The following KPNA1 variants were observed in gnomAD, a reference collection of about 807,000 sequenced individuals.
KPNA1 encodes the protein karyopherin subunit alpha 1, also known as importin subunit alpha-5.
A neutral mutation model predicts 70.5 loss-of-function variants in KPNA1; 10 were observed. That is an observed-to-expected ratio of 0.14 (90% CI 0.09 to 0.24). KPNA1 has a LOEUF of 0.24. Among genes scored for constraint, KPNA1 ranks in the 10% least tolerant of loss-of-function variants. KPNA1 has a pLI of 1.00. For missense variants in KPNA1, 397 were observed against 637.9 expected, an observed-to-expected ratio of 0.62 and a Z score of 4.07; for synonymous variants, 192 against 221.9, an observed-to-expected ratio of 0.87 and a Z score of 1.20.
At chr3:122,447,413 G>A (rs535321175) in intron 9 of KPNA1, among the ~76,000 whole-genome samples, 201 of 152,244 alleles carry the variant, frequency 1.3e-3, no homozygotes, top group African/African-American at 4.8e-3. Flanking sequence ...CAGAACCAAC[G>A]ACAAAAACTA....
At chr3:122,494,210 G>A (rs1207659175) in intron 2 of KPNA1, among the ~76,000 whole-genome samples, 3 of 151,924 alleles carry the variant, frequency 2.0e-5, no homozygotes, top group African/African-American at 7.3e-5. Context: ...TAAATTCTTT[G>A]CTTAGACCAA....
At chr3:122,498,679 A>G (rs1397907892) in intron 1 of KPNA1, among the ~76,000 whole-genome samples, 2 of 152,146 alleles carry the variant, frequency 1.3e-5, no homozygotes, top group Non-Finnish European at 2.9e-5. Flanking sequence ...TGAACTCGAA[A>G]AATGTCAGTC....
At position 122,426,814 on chromosome 3, in the gene KPNA1, G is replaced by A. The variant is rs1050502748; in HGVS notation, c.*171C>T. 27 of 523,558 alleles carry A rather than the reference G, an allele frequency of 5.2e-5. No homozygotes were observed. Among genetic ancestry groups the A allele is most frequent in the Non-Finnish European group, 8.4e-5 (25 of 297,092 alleles). 32.4% of individuals were successfully genotyped at this position (523,558 alleles called of 1,614,324 possible). A position where few individuals can be genotyped will look rare whatever the true frequency, so the allele number is the denominator to read the frequency against. On this transcript the variant is annotated 3_prime_UTR_variant, in exon 14 of 14. Coordinates refer to ENST00000344337, the MANE Select transcript of KPNA1 (RefSeq NM_002264.4). The stretch of plus-strand genomic sequence containing the variant: ...GAAGGGTATTCCACCACAGAGAGCC[G>A]GAGGTTTTCCAGATGTGTGTAAGAG...
intron 2 of KPNA1, among the ~76,000 whole-genome samples, chr3:122,493,144 A>G (rs1366467054): frequency 6.6e-6 from 1 of 152,234 alleles, no homozygotes; most frequent in East Asian, 1.9e-4. Flanking sequence ...CCACTACACT[A>G]TTCTAGAACT....
chr3:122,427,876 A>G (rs1043899494), intron 12 of KPNA1, among the ~76,000 whole-genome samples, 160 bp from the exon 13 acceptor site: 2 of 152,188 alleles, frequency 1.3e-5, no homozygotes, highest in East Asian at 3.8e-4. Context: ...TCACAAAACA[A>G]AAACAAAAAA....
At chr3:122,427,475 C>G (rs1300609446) in intron 13 of KPNA1, 63 bp downstream of exon 13, 2 of 1,485,982 alleles carry the variant, frequency 1.3e-6, no homozygotes, top group Non-Finnish European at 1.8e-6. Context: ...ATTGTTTTTA[C>G]TGAACTCTAT....
At chr3:122,436,550 T>TGAAA (rs2075991487) in intron 11 of KPNA1, among the ~76,000 whole-genome samples, 3 of 152,150 alleles carry the variant, frequency 2.0e-5, no homozygotes, top group Non-Finnish European at 4.4e-5. Context: ...CGGCCGACAC[T>TGAAA]TAGGGAAAAC....
chr3:122,477,476 G>A (rs2076515999), intron 2 of KPNA1, among the ~76,000 whole-genome samples: 1 of 152,124 alleles, frequency 6.6e-6, no homozygotes, highest in South Asian at 2.1e-4. Context: ...GAGGACGGAG[G>A]ATCATTTGAG....
intron 2 of KPNA1, among the ~76,000 whole-genome samples, chr3:122,492,447 T>C (rs1490751004): frequency 6.6e-6 from 1 of 152,154 alleles, no homozygotes; most frequent in East Asian, 1.9e-4. Flanking sequence ...ATTTTAAAAA[T>C]TTCTAGCAGC....
chr3:122,481,992 C>T (rs2076576360), intron 2 of KPNA1, among the ~76,000 whole-genome samples: 1 of 152,082 alleles, frequency 6.6e-6, no homozygotes, highest in African/African-American at 2.4e-5. Flanking sequence ...TAAGAACATA[C>T]ATAGAAATAA....
At chr3:122,434,829 A>C (rs1176991155) in intron 11 of KPNA1, among the ~76,000 whole-genome samples, 1 of 152,238 alleles carries the variant, frequency 6.6e-6, no homozygotes, top group Non-Finnish European at 1.5e-5. Flanking sequence ...TAAGAAACTG[A>C]GAAGTTCTGC....
At chr3:122,449,859 G>A in intron 8 of KPNA1, 122 bp from the exon 9 acceptor site, 1 of 683,118 alleles carries the variant, frequency 1.5e-6, no homozygotes, top group African/African-American at 1.8e-5. Context: ...CACTTCTAAA[G>A]ATGAAGCAGC....
chr3:122,513,455 G>A (rs2076978607), intron 1 of KPNA1, among the ~76,000 whole-genome samples: 1 of 152,072 alleles, frequency 6.6e-6, no homozygotes, highest in Non-Finnish European at 1.5e-5. Flanking sequence ...TCTTTAAAAA[G>A]GAGGGAAAAA....
chr3:122,462,780 T>C (rs577848400), intron 4 of KPNA1, among the ~76,000 whole-genome samples: 5 of 152,284 alleles, frequency 3.3e-5, no homozygotes, highest in African/African-American at 1.2e-4. Flanking sequence ...TTAAATTTTT[T>C]TAAATCACTA....
At chr3:122,452,110 C>G (rs762340006) in intron 6 of KPNA1, 46 bp from the exon 7 acceptor site, 1 of 1,254,150 alleles carries the variant, frequency 8.0e-7, no homozygotes, top group East Asian at 2.3e-5. Context: ...GTTTAATTCC[C>G]TCATAATTCT....
intron 10 of KPNA1, among the ~76,000 whole-genome samples, chr3:122,438,383 CTTTTT>C (rs1244333062): frequency 1.6e-4 from 23 of 145,698 alleles, no homozygotes; most frequent in Non-Finnish European, 3.5e-4. Context: ...TTCGGTATTT[CTTTTT>C]TGTTTTTTTT....
intron 2 of KPNA1, among the ~76,000 whole-genome samples, chr3:122,489,291 T>G (rs201275990): frequency 2.2e-5 from 3 of 135,448 alleles, no homozygotes; most frequent in Admixed American, 7.3e-5. Context: ...GTTTGTTTTT[T>G]TTTGTTTGTT....
chr3:122,434,515 C>A (rs1282534361), intron 11 of KPNA1, among the ~76,000 whole-genome samples: 1 of 152,214 alleles, frequency 6.6e-6, no homozygotes, highest in Non-Finnish European at 1.5e-5. Flanking sequence ...TGCTAGTCAT[C>A]TCAAACACAT....
chr3:122,438,899 A>T (rs2076026122), intron 10 of KPNA1, among the ~76,000 whole-genome samples: 1 of 152,230 alleles, frequency 6.6e-6, no homozygotes, highest in South Asian at 2.1e-4. Flanking sequence ...ACATGTTTTC[A>T]TGTCAAAAAT....
Sources: gnomAD v4.1 joint callset for allele counts (sites outside exome capture counted in the v4.1 genomes callset) on GRCh38, gnomAD v4.1.1 for gene constraint, MANE v1.5 for transcripts, NCBI Gene and HGNC (gene_info 2026-07-23, HGNC 2026-07-21) for gene names.